Variants in EYA1 observed in about 807,000 individuals in gnomAD.
EYA1 encodes protein phosphatase EYA1.
Under a neutral mutation model 82.0 loss-of-function variants are expected in EYA1, and 16 were observed. The ratio of observed to expected loss-of-function variants is 0.20; its 90% CI spans 0.13 to 0.30. EYA1 has a LOEUF of 0.30. Ranked by LOEUF, EYA1 falls within the 10% of genes least tolerant of loss-of-function variation. EYA1 has a pLI of 1.00. For missense variants in EYA1, 633 were observed against 730.7 expected, an observed-to-expected ratio of 0.87 and a Z score of 1.54; for synonymous variants, 261 against 264.4, an observed-to-expected ratio of 0.99 and a Z score of 0.12.
intron 9 of EYA1, among the ~76,000 whole-genome samples, chr8:71,280,137 C>A (rs761021647): frequency 1.3e-5 from 2 of 152,202 alleles, no homozygotes; most frequent in Admixed American, 6.5e-5. Flanking sequence ...GGTCCCTGGG[C>A]GTACTTGTTT....
chr8:71,369,360 G>T (rs1027686859), intron 2 of EYA1, among the ~76,000 whole-genome samples: 35 of 152,140 alleles, frequency 2.3e-4, no homozygotes, highest in African/African-American at 8.4e-4. Context: ...TCTCTCTATA[G>T]GCAAGGGTAC....
At chr8:71,430,285 A>G (rs545576925) in intron 2 of EYA1, among the ~76,000 whole-genome samples, 1 of 152,256 alleles carries the variant, frequency 6.6e-6, no homozygotes, top group Non-Finnish European at 1.5e-5. Context: ...GAAAAAAATA[A>G]CCATTTTTAT....
chr8:71,325,864 T>C (rs1823092883), intron 4 of EYA1, among the ~76,000 whole-genome samples: 1 of 152,218 alleles, frequency 6.6e-6, no homozygotes. Flanking sequence ...TACCATCTTA[T>C]ACCTGAAGTA....
At chr8:71,403,661 G>A (rs897678285) in intron 2 of EYA1, 1 of 152,172 alleles carries the variant, frequency 6.6e-6, no homozygotes, top group Non-Finnish European at 1.5e-5. Context: ...TGAAAGAACT[G>A]CACTGCACTT....
rs549524090 is a variant in EYA1, at chr8:71,211,163, G to C, written c.1691C>G (p.Ala564Gly). 1.9e-6 allele frequency: 3 copies of C among 1,606,098 alleles called. No individual in the cohort carries two copies. The highest frequency in any genetic ancestry group is 1.1e-5 in the South Asian group (1 of 90,910). The change falls in exon 17 of 18, where the codon GCA (alanine) becomes GGA (glycine). Residue 564 changes from alanine to glycine, a missense_variant. Transcript: ENST00000340726. The part of the protein sequence containing the change: ...IGDGVEEEQG[A>G]KKHAMPFWRI... ...CCATCTAGGAATGCTCACCTTTTTT[G>C]CTCCTTGTTCTTCTTCTACACCATC... is the stretch of plus-strand genomic sequence containing the variant.
At chr8:71,513,640 A>G (rs1812761132) in intron 2 of EYA1, among the ~76,000 whole-genome samples, 1 of 152,012 alleles carries the variant, frequency 6.6e-6, no homozygotes, top group South Asian at 2.1e-4. Context: ...TTTAAAATAT[A>G]CAATTAAGTT....
At chr8:71,295,491 G>A (rs918876079) in intron 9 of EYA1, among the ~76,000 whole-genome samples, 5 of 152,156 alleles carry the variant, frequency 3.3e-5, no homozygotes, top group African/African-American at 1.2e-4. Flanking sequence ...CACATCATAT[G>A]TCATTAGGAA....
chr8:71,458,581 T>A (rs866829953), intron 2 of EYA1, among the ~76,000 whole-genome samples: 3 of 152,096 alleles, frequency 2.0e-5, no homozygotes, highest in African/African-American at 7.2e-5. Flanking sequence ...ATAATCTCTT[T>A]TATCAGCACA....
At chr8:71,394,235 G>C (rs982070277) in intron 2 of EYA1, among the ~76,000 whole-genome samples, 4 of 152,172 alleles carry the variant, frequency 2.6e-5, no homozygotes, top group Non-Finnish European at 5.9e-5. Flanking sequence ...CTCCCATTCT[G>C]TAGGTTGCCT....
intron 9 of EYA1, among the ~76,000 whole-genome samples, chr8:71,294,769 C>T (rs1328622658): frequency 6.6e-6 from 1 of 152,068 alleles, no homozygotes; most frequent in African/African-American, 2.4e-5. Context: ...ATAAAAGACT[C>T]AGAATAGCCA....
chr8:71,315,666 G>C (rs548518063), intron 7 of EYA1, among the ~76,000 whole-genome samples: 1 of 152,220 alleles, frequency 6.6e-6, no homozygotes, highest in Admixed American at 6.5e-5. Flanking sequence ...CTAGAGCCTA[G>C]GACTGTTAAA....
At chr8:71,294,916 G>C (rs1479396531) in intron 9 of EYA1, among the ~76,000 whole-genome samples, 1 of 152,146 alleles carries the variant, frequency 6.6e-6, no homozygotes, top group Non-Finnish European at 1.5e-5. Flanking sequence ...ACAGAAGAGA[G>C]AGCCCTGAAA....
At chr8:71,421,884 C>A (rs1321576715) in intron 2 of EYA1, among the ~76,000 whole-genome samples, 1 of 152,076 alleles carries the variant, frequency 6.6e-6, no homozygotes, top group East Asian at 1.9e-4. Flanking sequence ...TACATGTGTG[C>A]AAAGGGAGGG....
intron 9 of EYA1, among the ~76,000 whole-genome samples, chr8:71,282,314 G>T (rs900457655): frequency 6.6e-6 from 1 of 152,160 alleles, no homozygotes; most frequent in Non-Finnish European, 1.5e-5. Context: ...ACTTCCTCTA[G>T]ATTCTGCCCT....
At chr8:71,529,124 G>C (rs1300387270) in intron 2 of EYA1, among the ~76,000 whole-genome samples, 1 of 152,196 alleles carries the variant, frequency 6.6e-6, no homozygotes, top group Non-Finnish European at 1.5e-5. Context: ...GTTATTCATT[G>C]AAATAATTCT....
chr8:71,328,810 C>T (rs1225749224), intron 4 of EYA1, among the ~76,000 whole-genome samples: 2 of 152,182 alleles, frequency 1.3e-5, no homozygotes, highest in African/African-American at 2.4e-5. Flanking sequence ...CTGCTTTTCT[C>T]AGTCTGTCTA....
Position 71,361,829 on chromosome 8 carries a change from G to C in EYA1, c.-237C>G, listed in dbSNP as rs953657716. On this transcript the variant is annotated 5_prime_UTR_variant, in exon 1 of 18. Coordinates refer to ENST00000340726, the MANE Select transcript of EYA1 (RefSeq NM_000503.6). Reference sequence around the variant, plus strand: ...CTCTGCAGGGGAAAGCTCGGCGCAGGGGGCAGGCGCCTGGCCGCTGCCGCA... The same window carrying C: ...CTCTGCAGGGGAAAGCTCGGCGCAGCGGGCAGGCGCCTGGCCGCTGCCGCA... The C allele has an allele frequency of 2.4e-5, 24 of 985,338 alleles. No homozygotes were observed. The South Asian group carries it at 6.1e-4, about 25-fold the overall frequency. 61.0% of individuals were successfully genotyped at this position (985,338 alleles called of 1,614,324 possible). A position where few individuals can be genotyped will look rare whatever the true frequency, so the allele number is the denominator to read the frequency against.
At chr8:71,245,125 G>GC (rs1343552013) in intron 11 of EYA1, among the ~76,000 whole-genome samples, 1 of 152,186 alleles carries the variant, frequency 6.6e-6, no homozygotes, top group Non-Finnish European at 1.5e-5. Flanking sequence ...ACTATAGCAA[G>GC]CTTGCCCAAC....
At chr8:71,479,311 T>G (rs1809920360) in intron 2 of EYA1, among the ~76,000 whole-genome samples, 1 of 152,146 alleles carries the variant, frequency 6.6e-6, no homozygotes, top group African/African-American at 2.4e-5. Context: ...AAATTGCACC[T>G]TCCCCACGAG....
Sources: allele counts gnomAD v4.1 joint callset (sites outside exome capture counted in the v4.1 genomes callset), GRCh38; gene constraint gnomAD v4.1.1; transcripts MANE v1.5; gene names NCBI Gene and HGNC (gene_info 2026-07-23, HGNC 2026-07-21).